The following KCNIP4 variants were observed in gnomAD, a reference collection of about 807,000 sequenced individuals.
KCNIP4 encodes Kv channel-interacting protein 4.
A neutral mutation model predicts 34.0 loss-of-function variants in KCNIP4; 12 were observed. The ratio of observed to expected loss-of-function variants is 0.35; its 90% CI spans 0.23 to 0.57. The LOEUF is 0.57. KCNIP4 is among the 20% of genes least tolerant of loss of function. The probability of loss-of-function intolerance (pLI) is 0.83; values close to 1 mark genes in which losing one functional copy is unlikely to be tolerated. For synonymous variants in KCNIP4, 124 were observed against 102.2 expected, an observed-to-expected ratio of 1.21 and a Z score of -1.29; for missense variants, 238 against 311.7, an observed-to-expected ratio of 0.76 and a Z score of 1.78.
At chr4:21,571,665 T>C (rs912672611) in intron 1 of KCNIP4, among the ~76,000 whole-genome samples, 1 of 151,980 alleles carries the variant, frequency 6.6e-6, no homozygotes, top group Middle Eastern at 3.2e-3. Flanking sequence ...AAATGAAAAC[T>C]CATCTGGCTT....
At chr4:20,984,723 G>A (rs1012911412) in intron 1 of KCNIP4, among the ~76,000 whole-genome samples, 16 of 152,160 alleles carry the variant, frequency 1.1e-4, no homozygotes, top group African/African-American at 3.4e-4. Context: ...TGGACGGAGG[G>A]CGTGGCGGAG....
chr4:20,759,472 C>T (rs1488665871), intron 3 of KCNIP4, among the ~76,000 whole-genome samples: 1 of 152,092 alleles, frequency 6.6e-6, no homozygotes, highest in Non-Finnish European at 1.5e-5. Context: ...GGAGAGTCTG[C>T]AAAGAAATGG....
At chr4:21,701,514 A>T (rs749511833) in intron 1 of KCNIP4, among the ~76,000 whole-genome samples, 1 of 152,154 alleles carries the variant, frequency 6.6e-6, no homozygotes, top group Non-Finnish European at 1.5e-5. Flanking sequence ...ATTGTACCCC[A>T]TAAATATATG....
chr4:20,730,314 G>A (rs1398854127), intron 8 of KCNIP4, among the ~76,000 whole-genome samples, 185 bp from the exon 9 acceptor site: 1 of 152,146 alleles, frequency 6.6e-6, no homozygotes, highest in African/African-American at 2.4e-5. Flanking sequence ...AGATGACTAT[G>A]AAGGACCCAT....
At chr4:21,082,088 C>T (rs2109022500) in intron 1 of KCNIP4, among the ~76,000 whole-genome samples, 1 of 151,952 alleles carries the variant, frequency 6.6e-6, no homozygotes, top group Admixed American at 6.6e-5. Flanking sequence ...CCTGCTAATG[C>T]AGAACCTGAC....
intron 1 of KCNIP4, among the ~76,000 whole-genome samples, chr4:21,829,273 T>C (rs1031995914): frequency 6.6e-6 from 1 of 152,032 alleles, no homozygotes; most frequent in Non-Finnish European, 1.5e-5. Context: ...AAAAATCATA[T>C]GTCAAACCAT....
chr4:21,226,054 C>A (rs202194612), intron 1 of KCNIP4, among the ~76,000 whole-genome samples: 1 of 151,836 alleles, frequency 6.6e-6, no homozygotes, highest in Non-Finnish European at 1.5e-5. Flanking sequence ...AAATCTTCTT[C>A]ATTCGAACTC....
At chr4:20,796,150 G>A (rs919347039) in intron 3 of KCNIP4, among the ~76,000 whole-genome samples, 2 of 152,120 alleles carry the variant, frequency 1.3e-5, no homozygotes, top group Non-Finnish European at 2.9e-5. Flanking sequence ...TAAAGACAGA[G>A]ATAAAATGTA....
At chr4:21,252,339 G>T (rs1355230240) in intron 1 of KCNIP4, among the ~76,000 whole-genome samples, 4 of 151,920 alleles carry the variant, frequency 2.6e-5, no homozygotes, top group African/African-American at 7.3e-5. Flanking sequence ...CGTTGGCCAG[G>T]ATGGTCTCGA....
intron 1 of KCNIP4, among the ~76,000 whole-genome samples, chr4:21,354,957 T>C (rs144305982): frequency 0.037 from 5,573 of 152,174 alleles, 239 homozygotes; most frequent in East Asian, 0.2. Context: ...TCTCTCAGAT[T>C]ACAGTGCAAT....
At chr4:21,511,315 T>A (rs1734294347) in intron 1 of KCNIP4, among the ~76,000 whole-genome samples, 1 of 148,816 alleles carries the variant, frequency 6.7e-6, no homozygotes, top group African/African-American at 2.5e-5. Flanking sequence ...ATAGGCTTCA[T>A]ATTATAATGA....
intron 2 of KCNIP4, among the ~76,000 whole-genome samples, chr4:20,872,505 C>A (rs879760787): frequency 2.0e-5 from 3 of 152,048 alleles, no homozygotes; most frequent in Admixed American, 1.3e-4. Context: ...TTTTATAGAC[C>A]TGGTGGAGTA....
At chr4:21,517,097 A>G (rs1055885429) in intron 1 of KCNIP4, among the ~76,000 whole-genome samples, 3 of 152,268 alleles carry the variant, frequency 2.0e-5, no homozygotes, top group South Asian at 2.1e-4. Context: ...GTGAAGAACA[A>G]TGGAAATTCT....
intron 1 of KCNIP4, among the ~76,000 whole-genome samples, chr4:21,154,082 C>T (rs1344857689): frequency 6.6e-6 from 1 of 152,108 alleles, no homozygotes; most frequent in Non-Finnish European, 1.5e-5. Flanking sequence ...TGCATCATCT[C>T]CATTATTCTT....
At chr4:21,740,014 G>T (rs1716288713) in intron 1 of KCNIP4, among the ~76,000 whole-genome samples, 1 of 152,002 alleles carries the variant, frequency 6.6e-6, no homozygotes. Flanking sequence ...GTCCAAAAGG[G>T]TTTCAAAATG....
intron 1 of KCNIP4, among the ~76,000 whole-genome samples, chr4:21,640,289 A>G (rs993790431): frequency 1.3e-5 from 2 of 152,074 alleles, no homozygotes; most frequent in Non-Finnish European, 2.9e-5. Context: ...AATTACTCCC[A>G]TTACATTTAA....
chr4:20,804,729 AAG>A (rs1714841884), intron 3 of KCNIP4, among the ~76,000 whole-genome samples: 2 of 152,234 alleles, frequency 1.3e-5, no homozygotes, highest in Admixed American at 6.5e-5. Flanking sequence ...AACTTAGGAA[AAG>A]TAGAAATGTA....
At chr4:20,983,372 C>G (rs769038876) in intron 1 of KCNIP4, among the ~76,000 whole-genome samples, 12 of 152,114 alleles carry the variant, frequency 7.9e-5, no homozygotes, top group Non-Finnish European at 1.3e-4. Flanking sequence ...AATAAACCAC[C>G]CGGGTTCACC....
chr4:21,072,951 G>C (rs912446363), intron 1 of KCNIP4, among the ~76,000 whole-genome samples: 1 of 152,156 alleles, frequency 6.6e-6, no homozygotes, highest in Non-Finnish European at 1.5e-5. Flanking sequence ...AGATCAGATG[G>C]TTGTAGATGT....
Sources: allele counts gnomAD v4.1 joint callset (sites outside exome capture counted in the v4.1 genomes callset), GRCh38; gene constraint gnomAD v4.1.1; transcripts MANE v1.5; gene names NCBI Gene and HGNC (gene_info 2026-07-23, HGNC 2026-07-21).